AKAP6: variants seen among roughly 807,000 people sequenced by gnomAD.
The protein encoded by AKAP6 is A-kinase anchor protein 6.
A neutral mutation model predicts 188.5 loss-of-function variants in AKAP6; 58 were observed. That is an observed-to-expected ratio of 0.31 (90% CI 0.25 to 0.38). AKAP6 has a LOEUF of 0.38. Among genes scored for constraint, AKAP6 ranks in the 10% least tolerant of loss-of-function variants. AKAP6 has a pLI of 1.00. For synonymous variants in AKAP6, 989 were observed against 998.6 expected (o/e 0.99, Z 0.18); for missense variants, 2,710 against 2,740.0 (o/e 0.99, Z 0.24).
chr14:32,630,968 C>A (rs1324271612), intron 7 of AKAP6, among the ~76,000 whole-genome samples: 2 of 151,940 alleles, frequency 1.3e-5, no homozygotes, highest in East Asian at 1.9e-4. Context: ...TTCTGAAGAT[C>A]CTTCTGGTCT....
intron 4 of AKAP6, among the ~76,000 whole-genome samples, chr14:32,555,398 T>C (rs567322681): frequency 6.6e-6 from 1 of 152,222 alleles, no homozygotes; most frequent in East Asian, 1.9e-4. Context: ...GCATTCATAC[T>C]GATGATAGCA....
intron 1 of AKAP6, among the ~76,000 whole-genome samples, chr14:32,385,753 G>A (rs980053393): frequency 1.3e-5 from 2 of 150,848 alleles, no homozygotes; most frequent in African/African-American, 4.9e-5. Flanking sequence ...TCCTTTTTAT[G>A]GCTGAGTAGT....
intron 2 of AKAP6, among the ~76,000 whole-genome samples, chr14:32,457,218 T>C (rs1365138716): frequency 6.6e-6 from 1 of 152,174 alleles, no homozygotes; most frequent in African/African-American, 2.4e-5. Flanking sequence ...CTGAGTGGTA[T>C]CTACTGAGTA....
intron 5 of AKAP6, 131 bp from the exon 6 acceptor site, chr14:32,599,279 A>G (rs1228100894): frequency 1.4e-5 from 9 of 658,452 alleles, no homozygotes; most frequent in South Asian, 2.4e-5. Flanking sequence ...AGCTTTTAGT[A>G]TTGCAAATTA....
chr14:32,543,201 C>T (rs899900312), intron 3 of AKAP6, among the ~76,000 whole-genome samples: 4 of 152,208 alleles, frequency 2.6e-5, no homozygotes, highest in African/African-American at 9.6e-5. Flanking sequence ...TATTCCCACC[C>T]GCTACCTTTC....
intron 9 of AKAP6, among the ~76,000 whole-genome samples, chr14:32,698,268 C>T (rs998171130): frequency 6.6e-6 from 1 of 152,120 alleles, no homozygotes; most frequent in Admixed American, 6.6e-5. Flanking sequence ...GTTAAGTCAA[C>T]ATTTTCAATA....
At chr14:32,493,502 C>T (rs1214793075) in intron 2 of AKAP6, among the ~76,000 whole-genome samples, 1 of 152,052 alleles carries the variant, frequency 6.6e-6, no homozygotes, top group Admixed American at 6.5e-5. Flanking sequence ...TGAGCTACCG[C>T]ACCCGGCCTA....
At chr14:32,667,620 G>A (rs1019054441) in intron 7 of AKAP6, among the ~76,000 whole-genome samples, 17 of 151,962 alleles carry the variant, frequency 1.1e-4, no homozygotes, top group African/African-American at 4.1e-4. Flanking sequence ...GGTGGGTGTC[G>A]GTTTGAATGA....
intron 2 of AKAP6, among the ~76,000 whole-genome samples, chr14:32,469,261 C>T (rs113438197): frequency 5.8e-4 from 89 of 152,278 alleles, no homozygotes; most frequent in African/African-American, 2.0e-3. Context: ...CAGTCTCCAA[C>T]GGAGGAGATT....
chr14:32,753,254 G>A (rs1412644471), intron 11 of AKAP6, among the ~76,000 whole-genome samples: 2 of 151,992 alleles, frequency 1.3e-5, no homozygotes, highest in Admixed American at 6.6e-5. Context: ...CAGGTGTGAG[G>A]TGATATCTCC....
intron 2 of AKAP6, chr14:32,484,072 C>A (rs1162069818): frequency 2.3e-5 from 3 of 127,980 alleles, no homozygotes; most frequent in Non-Finnish European, 4.7e-5. Flanking sequence ...TGATGGTTTC[C>A]AGCATTATCC....
chr14:32,718,497 C>T (rs1045264278), intron 9 of AKAP6, among the ~76,000 whole-genome samples: 2 of 152,142 alleles, frequency 1.3e-5, no homozygotes, highest in Non-Finnish European at 2.9e-5. Context: ...CTTAGCCTTT[C>T]GCATTCTGAT....
intron 12 of AKAP6, among the ~76,000 whole-genome samples, chr14:32,787,966 A>G (rs142476415): frequency 0.014 from 2,118 of 147,876 alleles, 40 homozygotes; most frequent in African/African-American, 0.05. Context: ...GCTTGAGCCC[A>G]GGAGTTCAAG....
chr14:32,627,535 A>G (rs1299013038), intron 7 of AKAP6, among the ~76,000 whole-genome samples: 1 of 152,104 alleles, frequency 6.6e-6, no homozygotes, highest in Non-Finnish European at 1.5e-5. Context: ...CCTAAAAAAT[A>G]TATATTATGG....
intron 12 of AKAP6, among the ~76,000 whole-genome samples, chr14:32,812,227 G>A (rs1369353265): frequency 6.6e-6 from 1 of 152,158 alleles, no homozygotes; most frequent in Non-Finnish European, 1.5e-5. Flanking sequence ...TTACCATGTG[G>A]TAGAATGAAG....
chr14:32,384,149 A>G (rs1423796067), intron 1 of AKAP6, among the ~76,000 whole-genome samples: 1 of 152,200 alleles, frequency 6.6e-6, no homozygotes, highest in Non-Finnish European at 1.5e-5. Context: ...TGATGGCGCA[A>G]AATCCCTTAA....
At chr14:32,425,776 A>C (rs1566495729) in intron 1 of AKAP6, among the ~76,000 whole-genome samples, 3 of 151,932 alleles carry the variant, frequency 2.0e-5, no homozygotes, top group African/African-American at 7.3e-5. Flanking sequence ...GTTTGCAAAA[A>C]TTTTCTCCCA....
At chr14:32,403,833 G>A (rs922830038) in intron 1 of AKAP6, among the ~76,000 whole-genome samples, 1 of 152,160 alleles carries the variant, frequency 6.6e-6, no homozygotes, top group African/African-American at 2.4e-5. Context: ...GATTAGCCAT[G>A]GTAAATGTAT....
chr14:32,630,281 C>T (rs1026772076), intron 7 of AKAP6, among the ~76,000 whole-genome samples: 1 of 151,960 alleles, frequency 6.6e-6, no homozygotes, highest in Non-Finnish European at 1.5e-5. Context: ...GAAATAAAGT[C>T]CCAGTTAGAA....
Sources: gnomAD v4.1 joint callset for allele counts (sites outside exome capture counted in the v4.1 genomes callset) on GRCh38, gnomAD v4.1.1 for gene constraint, MANE v1.5 for transcripts, NCBI Gene and HGNC (gene_info 2026-07-23, HGNC 2026-07-21) for gene names.